Variants in PLCG2 observed in about 807,000 individuals in gnomAD.
PLCG2 encodes phospholipase C gamma 2, also known as 1-phosphatidylinositol 4,5-bisphosphate phosphodiesterase gamma-2.
In PLCG2, 69 loss-of-function variants were observed where a neutral mutation model predicts 175.6. That is an observed-to-expected ratio of 0.39 (90% CI 0.32 to 0.48). The LOEUF (loss-of-function observed/expected upper bound fraction) is 0.48, where lower values mean the gene tolerates loss of function less well. PLCG2 is among the 20% of genes least tolerant of loss of function. The pLI is 0.91. For synonymous variants in PLCG2, 827 were observed against 624.0 expected, an observed-to-expected ratio of 1.33 and a Z score of -4.85; for missense variants, 1,798 against 1,650.9, an observed-to-expected ratio of 1.09 and a Z score of -1.54.
intron 22 of PLCG2, 145 bp downstream of exon 22, chr16:81,923,739 A>G (rs1216454084): frequency 1.6e-5 from 9 of 567,338 alleles, no homozygotes; most frequent in Non-Finnish European, 1.9e-5. Context: ...CTTCTTAGGA[A>G]GGTGGCTTGG....
intron 2 of PLCG2, among the ~76,000 whole-genome samples, chr16:81,822,549 C>T (rs908951624): frequency 6.6e-6 from 1 of 151,894 alleles, no homozygotes; most frequent in Non-Finnish European, 1.5e-5. Flanking sequence ...CTGAGGTCAG[C>T]AGTTCGAGAC....
At chr16:81,800,750 G>GTCT (rs1168111900) in intron 2 of PLCG2, among the ~76,000 whole-genome samples, 2 of 152,020 alleles carry the variant, frequency 1.3e-5, no homozygotes, top group Non-Finnish European at 2.9e-5. Context: ...AGATGCCCTT[G>GTCT]TCTTAATCCC....
chr16:81,827,108 G>A (rs1261122362), intron 2 of PLCG2, among the ~76,000 whole-genome samples: 1 of 152,038 alleles, frequency 6.6e-6, no homozygotes, highest in Non-Finnish European at 1.5e-5. Context: ...ACCTTGCGCT[G>A]AAATAAGACT....
intron 2 of PLCG2, chr16:81,852,083 A>G (rs745983138): frequency 6.6e-6 from 1 of 152,252 alleles, no homozygotes; most frequent in Non-Finnish European, 1.5e-5. Flanking sequence ...CAAAGCTGAG[A>G]TCTCCTTTCT....
intron 1 of PLCG2, among the ~76,000 whole-genome samples, chr16:81,755,277 G>T (rs950066388): frequency 2.0e-5 from 3 of 152,012 alleles, no homozygotes; most frequent in African/African-American, 7.2e-5. Context: ...GCTCACTGCA[G>T]CCTTGACCTC....
intron 6 of PLCG2, among the ~76,000 whole-genome samples, 158 bp from the exon 7 acceptor site, chr16:81,870,694 A>G (rs139016787): frequency 2.0e-4 from 31 of 152,358 alleles, no homozygotes; most frequent in Non-Finnish European, 3.1e-4. Flanking sequence ...TTTCCTTTCA[A>G]AAGCCATGAC....
chr16:81,751,773 G>C (rs1358139331), intron 1 of PLCG2, among the ~76,000 whole-genome samples: 1 of 152,138 alleles, frequency 6.6e-6, no homozygotes, highest in Non-Finnish European at 1.5e-5. Flanking sequence ...TGTAATCCTA[G>C]CCCTTTGGGA....
At chr16:81,897,743 C>T (rs1164327840) in intron 13 of PLCG2, 1 of 417,822 alleles carries the variant, frequency 2.4e-6, no homozygotes. Flanking sequence ...TAGGGTTTCA[C>T]TATGTTGGCC....
At chr16:81,766,553 C>G (rs975665425) in intron 2 of PLCG2, among the ~76,000 whole-genome samples, 13 of 152,250 alleles carry the variant, frequency 8.5e-5, no homozygotes, top group African/African-American at 3.1e-4. Flanking sequence ...GACCACCACA[C>G]AAAAACCCAG....
chr16:81,756,677 C>T (rs555993814), intron 2 of PLCG2, among the ~76,000 whole-genome samples: 6 of 152,248 alleles, frequency 3.9e-5, no homozygotes, highest in East Asian at 1.9e-4. Context: ...GTTGAAGAGG[C>T]GTGGACTTCG....
chr16:81,796,952 A>C (rs975095441), intron 2 of PLCG2, among the ~76,000 whole-genome samples: 1 of 152,208 alleles, frequency 6.6e-6, no homozygotes, highest in Admixed American at 6.5e-5. Flanking sequence ...CAACGGGGTG[A>C]GTACAGGGAT....
rs72824912 is a variant in PLCG2 at position 81,914,909 on chromosome 16, A to G, written c.2054+2193A>G. 9.2e-3 allele frequency among the ~76,000 whole-genome samples: 1,398 copies of G among 152,260 alleles called. 16 individuals carry two copies. The highest frequency in any genetic ancestry group is 0.037 in the South Asian group (177 of 4,822). ...TTTCTCAAAGAGTTGGGGTGTGAGG[A>G]CTGATCCTGTTGTATTTGGATGTTG... On this transcript the variant is annotated intron_variant, in intron 19 of 32. Transcript: ENST00000564138.
rs139566096 is a variant in PLCG2, at chr16:81,951,512, G to A, written c.3571-5183G>A. ...TTAGTTTTGTCTTCATTTAAATAAC[G>A]TAATTCCAATTTCACTCCACCAAAG... On this transcript the variant is annotated intron_variant, in intron 31 of 32. Transcript: ENST00000564138. Among the ~76,000 whole-genome samples the A allele has an allele frequency of 4.8e-4, 73 of 152,238 alleles. No homozygotes were observed. In the East Asian group the frequency reaches 7.9e-3, roughly 16 times the overall value.
At chr16:81,867,562 G>A (rs1205453175) in intron 5 of PLCG2, among the ~76,000 whole-genome samples, 2 of 151,956 alleles carry the variant, frequency 1.3e-5, no homozygotes, top group African/African-American at 4.8e-5. Context: ...TCAAACAGGT[G>A]AATGTGCATA....
At chr16:81,822,721 G>A (rs1394744559) in intron 2 of PLCG2, among the ~76,000 whole-genome samples, 2 of 118,644 alleles carry the variant, frequency 1.7e-5, no homozygotes, top group African/African-American at 3.3e-5. Flanking sequence ...AGTTCATGCC[G>A]CTGCACTCCA....
chr16:81,893,495 C>T (rs528146225), intron 11 of PLCG2, among the ~76,000 whole-genome samples: 2 of 152,192 alleles, frequency 1.3e-5, no homozygotes, highest in African/African-American at 4.8e-5. Flanking sequence ...TCACTTCCTG[C>T]GATTGTGGCC....
intron 9 of PLCG2, among the ~76,000 whole-genome samples, chr16:81,886,801 G>T (rs1423570927): frequency 6.6e-6 from 1 of 152,202 alleles, no homozygotes; most frequent in Admixed American, 6.5e-5. Context: ...ATGAGACACC[G>T]TGTGGGGCCG....
Position 81,912,648 on chromosome 16 carries a change from G to A in PLCG2, c.1986G>A (p.Arg662=), listed in dbSNP as rs1202954972. Residue 662 remains arginine (R), a synonymous_variant, in exon 19 of 33, where the codon AGG becomes AGA. Transcript: ENST00000564138. ...GAGAGGCAGAGGACATGCTGATGAG[G>A]ATTCCCCGGGACGGGGCCTTCCTGA... is the stretch of plus-strand genomic sequence containing the variant. ...SRGEAEDMLM[R]IPRDGAFLIR... 6.2e-7 allele frequency: 1 copy of A among 1,613,254 alleles called. No individual in the cohort carries two copies. The highest frequency in any genetic ancestry group is 8.5e-7 in the Non-Finnish European group (1 of 1,179,808).
rs576019179 is a variant in PLCG2 at position 81,837,895 on chromosome 16, A to G, written c.194-16549A>G. 3.3e-5 allele frequency among the ~76,000 whole-genome samples: 5 copies of G among 152,016 alleles called. No individual in the cohort carries two copies. The South Asian group carries it at 1.0e-3, about 32-fold the overall frequency. On this transcript the variant is annotated intron_variant, in intron 2 of 32. Coordinates refer to ENST00000564138, the MANE Select transcript of PLCG2 (RefSeq NM_002661.5). ...AACATTCACAACATTCATAGAACCC[A>G]CTACCAGTCTTATTCAGATTTTCCC...
Sources: allele counts gnomAD v4.1 joint callset (sites outside exome capture counted in the v4.1 genomes callset), GRCh38; gene constraint gnomAD v4.1.1; transcripts MANE v1.5; gene names NCBI Gene and HGNC (gene_info 2026-07-23, HGNC 2026-07-21).